FGF14: variants seen among roughly 807,000 people sequenced by gnomAD.
FGF14 encodes the protein fibroblast growth factor homologous factor 4.
Under a neutral mutation model 25.5 loss-of-function variants are expected in FGF14, and 5 were observed. The observed-to-expected ratio is 0.20, with a 90% CI of 0.10 to 0.41. The LOEUF (loss-of-function observed/expected upper bound fraction) is 0.41, where lower values mean the gene tolerates loss of function less well. Among genes scored for constraint, FGF14 ranks in the 10% least tolerant of loss-of-function variants. FGF14 has a pLI of 1.00. For synonymous variants in FGF14, 138 were observed against 118.3 expected (o/e 1.17, Z -1.08); for missense variants, 222 against 320.1 (o/e 0.69, Z 2.34).
Position 101,765,170 on chromosome 13 carries a change from C to A in FGF14, c.409-38360G>T, listed in dbSNP as rs1470771123. Among the ~76,000 whole-genome samples, 7 of 152,180 alleles carry A rather than the reference C, an allele frequency of 4.6e-5. No individual in the cohort carries two copies. In the East Asian group the frequency reaches 1.3e-3, roughly 29 times the overall value. On this transcript the variant is annotated intron_variant, in intron 3 of 4. Coordinates refer to ENST00000376143, the MANE Select transcript of FGF14 (RefSeq NM_004115.4). ...CAATGATAATACTCTGCCTCTGGCA[C>A]ATATATTCCTTCTCTTAATTCTGCT...
chr13:102,264,084 A>T lies in FGF14; in HGVS notation c.208+137387T>A, dbSNP rs2052858717. 4.6e-5 allele frequency among the ~76,000 whole-genome samples: 7 copies of T among 151,074 alleles called. No individual in the cohort carries two copies. The South Asian group carries it at 1.2e-3, about 27-fold the overall frequency. On this transcript the variant is annotated intron_variant, in intron 1 of 4. Transcript: ENST00000376131. Reference sequence around the variant, plus strand: ...TTAAAAGAATTCCTATGTACTTCTGAGGTATAATAAATTCGGGGAACCAAT... The same window carrying T: ...TTAAAAGAATTCCTATGTACTTCTGTGGTATAATAAATTCGGGGAACCAAT...
chr13:102,171,676 C>A (rs74109512), intron 1 of FGF14, among the ~76,000 whole-genome samples: 3,707 of 152,068 alleles, frequency 0.024, 131 homozygotes, highest in African/African-American at 0.085. Flanking sequence ...ACAGTGCATT[C>A]TTTTTTTCTG....
intron 1 of FGF14, among the ~76,000 whole-genome samples, chr13:101,898,038 G>A (rs2030968508): frequency 6.6e-6 from 1 of 151,924 alleles, no homozygotes; most frequent in Non-Finnish European, 1.5e-5. Context: ...GGGACCACAG[G>A]TGTGTGCCAC....
intron 2 of FGF14, among the ~76,000 whole-genome samples, chr13:101,873,673 G>T (rs1371549046): frequency 6.6e-6 from 1 of 152,060 alleles, no homozygotes. Flanking sequence ...ACTGAGCAGA[G>T]ATACATGTAT....
intron 1 of FGF14, among the ~76,000 whole-genome samples, chr13:101,971,787 C>G (rs1209254012): frequency 6.6e-6 from 1 of 152,218 alleles, no homozygotes; most frequent in East Asian, 1.9e-4. Context: ...GTATCTGACT[C>G]TAAGACAGTA....
intron 1 of FGF14, among the ~76,000 whole-genome samples, chr13:102,246,457 C>T (rs571364025): frequency 3.3e-4 from 50 of 152,158 alleles, no homozygotes; most frequent in Non-Finnish European, 6.5e-4. Context: ...TATCCCAACG[C>T]CATGCAAAAG....
rs1594036090 is a variant in FGF14, at chr13:101,724,624, AT to A, written c.608-1658del. Among the ~76,000 whole-genome samples the A allele has an allele frequency of 1.3e-4, 18 of 142,432 alleles. 2 individuals are homozygous for A. Among genetic ancestry groups the A allele is most frequent in the Admixed American group, 3.8e-4 (5 of 13,240 alleles). 93.4% of individuals were successfully genotyped at this position (142,432 alleles called of 152,430 possible). A position where few individuals can be genotyped will look rare whatever the true frequency, so the allele number is the denominator to read the frequency against. ...TATATATATATATATATATATATAT[AT>A]ATATATAAAACAAAGATATGAATGC... is the stretch of plus-strand genomic sequence containing the variant. On this transcript the variant is annotated intron_variant, in intron 4 of 4. Coordinates refer to ENST00000376143, the MANE Select transcript of FGF14 (RefSeq NM_004115.4).
chr13:102,376,230 T>C (rs759160042), intron 1 of FGF14, among the ~76,000 whole-genome samples: 11 of 152,174 alleles, frequency 7.2e-5, no homozygotes, highest in Middle Eastern at 6.8e-3. Flanking sequence ...TCACGAGATC[T>C]GACGGTTTAT....
intron 3 of FGF14, among the ~76,000 whole-genome samples, chr13:101,829,239 G>A (rs1037160600): frequency 6.6e-6 from 1 of 152,116 alleles, no homozygotes; most frequent in Non-Finnish European, 1.5e-5. Context: ...CATCCCTGTG[G>A]AAGAAGCACC....
At chr13:101,810,509 A>G (rs2041445701) in intron 3 of FGF14, among the ~76,000 whole-genome samples, 2 of 152,146 alleles carry the variant, frequency 1.3e-5, no homozygotes, top group African/African-American at 4.8e-5. Flanking sequence ...TGACGACCAT[A>G]TCACTGCTAC....
At chr13:102,274,699 T>G (rs1457349418) in intron 1 of FGF14, among the ~76,000 whole-genome samples, 1 of 151,944 alleles carries the variant, frequency 6.6e-6, no homozygotes, top group Non-Finnish European at 1.5e-5. Flanking sequence ...CATACACACA[T>G]ACACATACAT....
intron 1 of FGF14, among the ~76,000 whole-genome samples, chr13:102,124,922 T>A (rs542316907): frequency 6.6e-6 from 1 of 152,278 alleles, no homozygotes; most frequent in East Asian, 1.9e-4. Flanking sequence ...TACCTTTTAT[T>A]CTTAGAAATA....
chr13:102,391,826 C>T (rs1229477575), intron 1 of FGF14, among the ~76,000 whole-genome samples: 1 of 152,192 alleles, frequency 6.6e-6, no homozygotes, highest in Admixed American at 6.5e-5. Flanking sequence ...AAAACTGACT[C>T]AGTTCTCCTA....
chr13:102,362,716 A>T (rs1209257247), intron 1 of FGF14, among the ~76,000 whole-genome samples: 2 of 152,166 alleles, frequency 1.3e-5, no homozygotes, highest in Non-Finnish European at 2.9e-5. Flanking sequence ...AACAGAACCC[A>T]CGGTCCCCAC....
At chr13:102,068,316 T>C (rs969336948) in intron 1 of FGF14, among the ~76,000 whole-genome samples, 2 of 152,224 alleles carry the variant, frequency 1.3e-5, no homozygotes, top group Non-Finnish European at 2.9e-5. Flanking sequence ...GTGCTGGCAG[T>C]CCTCACAGCC....
intron 1 of FGF14, among the ~76,000 whole-genome samples, chr13:102,052,793 A>G (rs1434635093): frequency 2.0e-5 from 3 of 152,146 alleles, no homozygotes; most frequent in Non-Finnish European, 4.4e-5. Context: ...GAGTTTCTCA[A>G]GCTGAAAGAA....
intron 1 of FGF14, among the ~76,000 whole-genome samples, chr13:102,175,569 C>G (rs923559760): frequency 1.3e-5 from 2 of 151,930 alleles, no homozygotes; most frequent in African/African-American, 4.8e-5. Context: ...AAACAAAAAT[C>G]GACAAATGGA....
chr13:101,944,247 T>C (rs2035664676), intron 1 of FGF14, among the ~76,000 whole-genome samples: 1 of 152,166 alleles, frequency 6.6e-6, no homozygotes, highest in Non-Finnish European at 1.5e-5. Context: ...TACTTTATGG[T>C]CTTCCTCAGG....
chr13:101,723,177 C>T (rs2035114626), intron 4 of FGF14: 3 of 610,608 alleles, frequency 4.9e-6, no homozygotes, highest in South Asian at 1.8e-5. Context: ...GGTCTGTATA[C>T]CTAAAATATG....
Sources: allele counts gnomAD v4.1 joint callset (sites outside exome capture counted in the v4.1 genomes callset), GRCh38; gene constraint gnomAD v4.1.1; transcripts MANE v1.5; gene names NCBI Gene and HGNC (gene_info 2026-07-23, HGNC 2026-07-21).